ATP2C1: variants seen among roughly 807,000 people sequenced by gnomAD.
ATP2C1 encodes ATPase secretory pathway Ca2+ transporting 1, also known as calcium-transporting ATPase type 2C member 1.
A neutral mutation model predicts 120.5 loss-of-function variants in ATP2C1; 31 were observed. The ratio of observed to expected loss-of-function variants is 0.26; its 90% CI spans 0.19 to 0.35. ATP2C1 has a LOEUF of 0.35. Ranked by LOEUF, ATP2C1 falls within the 10% of genes least tolerant of loss-of-function variation. ATP2C1 has a pLI of 1.00. For synonymous variants in ATP2C1, 351 were observed against 358.7 expected, an observed-to-expected ratio of 0.98 and a Z score of 0.24; for missense variants, 731 against 1,107.5, an observed-to-expected ratio of 0.66 and a Z score of 4.83.
intron 14 of ATP2C1, 71 bp downstream of exon 14, chr3:130,965,116 A>T: frequency 1.9e-6 from 2 of 1,046,682 alleles, no homozygotes; most frequent in South Asian, 1.3e-5. Flanking sequence ...AACATTCCTA[A>T]CAGTTCCAGT....
chr3:130,902,309 T>G (rs1460881372), intron 2 of ATP2C1, among the ~76,000 whole-genome samples: 4 of 79,962 alleles, frequency 5.0e-5, no homozygotes, highest in South Asian at 4.7e-4. Flanking sequence ...TTTTTTTTTT[T>G]TTTTTTTTTT....
chr3:130,996,126 A>G lies in ATP2C1; in HGVS notation c.2126+15A>G. The G allele has an allele frequency of 6.3e-7, 1 of 1,583,822 alleles. No individual in the cohort carries two copies. The highest frequency in any genetic ancestry group is 8.7e-7 in the Non-Finnish European group (1 of 1,152,366). On this transcript the variant is annotated intron_variant, in intron 23 of 27. Coordinates refer to ENST00000510168, the MANE Select transcript of ATP2C1 (RefSeq NM_001378687.1). ...CAGCTGAGCACGTAAGTTTGCAAGA[A>G]ATTTGTCACCATGGGTCTTCTGGAT...
chr3:130,947,233 C>T (rs2060191833), intron 8 of ATP2C1, among the ~76,000 whole-genome samples: 1 of 151,954 alleles, frequency 6.6e-6, no homozygotes, highest in South Asian at 2.1e-4. Context: ...GCCAAAAGCA[C>T]TGGTCCATCC....
chr3:130,972,492 CT>C (rs2061362704), intron 17 of ATP2C1, among the ~76,000 whole-genome samples: 1 of 143,910 alleles, frequency 6.9e-6, no homozygotes, highest in Non-Finnish European at 1.5e-5. Flanking sequence ...TTTTTATATA[CT>C]TTAAGTTTTA....
chr3:130,856,707 G>A (rs1343400763), intron 1 of ATP2C1, among the ~76,000 whole-genome samples: 2 of 152,172 alleles, frequency 1.3e-5, no homozygotes, highest in Non-Finnish European at 2.9e-5. Flanking sequence ...GCTCCCTAAT[G>A]TGGAGGGGTT....
At chr3:130,871,792 C>T (rs1051565019) in intron 1 of ATP2C1, among the ~76,000 whole-genome samples, 3 of 152,020 alleles carry the variant, frequency 2.0e-5, no homozygotes, top group South Asian at 2.1e-4. Context: ...AGGCAGAGGC[C>T]GGCGGATCAG....
chr3:130,969,253 C>T, intron 16 of ATP2C1, 39 bp from the exon 17 acceptor site: 2 of 1,419,134 alleles, frequency 1.4e-6, no homozygotes, highest in African/African-American at 1.4e-5. Flanking sequence ...AAAATAATCA[C>T]ATATAGGTGA....
At chr3:130,973,551 G>A (rs1290005047) in intron 17 of ATP2C1, among the ~76,000 whole-genome samples, 2 of 152,252 alleles carry the variant, frequency 1.3e-5, no homozygotes, top group South Asian at 2.1e-4. Context: ...TGGGCAGGGA[G>A]CATATACGGT....
At chr3:130,975,220 T>C in intron 17 of ATP2C1, 112 bp from the exon 18 acceptor site, 1 of 1,090,532 alleles carries the variant, frequency 9.2e-7, no homozygotes. Context: ...AACCTTAGGC[T>C]TGAGTAACTT....
upstream of ATP2C1, among the ~76,000 whole-genome samples, chr3:130,891,290 A>G (rs1233658407): frequency 1.3e-5 from 2 of 152,210 alleles, no homozygotes; most frequent in Non-Finnish European, 2.9e-5. Context: ...ATATTCTTGT[A>G]CCATCCAGGT....
chr3:130,920,933 A>C (rs1442474880), intron 2 of ATP2C1, among the ~76,000 whole-genome samples: 1 of 152,122 alleles, frequency 6.6e-6, no homozygotes, highest in Non-Finnish European at 1.5e-5. Context: ...TCTATTGTAA[A>C]TGAGATTGTT....
chr3:130,941,853 A>G (rs1309337558), intron 8 of ATP2C1, among the ~76,000 whole-genome samples, 154 bp downstream of exon 8: 1 of 152,154 alleles, frequency 6.6e-6, no homozygotes, highest in Admixed American at 6.5e-5. Flanking sequence ...TTTTTCCTTA[A>G]AATGTATCTG....
intron 23 of ATP2C1, 130 bp from the exon 24 acceptor site, chr3:130,996,550 A>G (rs1287202516): frequency 2.7e-6 from 2 of 736,890 alleles, no homozygotes; most frequent in Non-Finnish European, 2.4e-6. Flanking sequence ...GTGACTGAAG[A>G]ATAGTTTACT....
chr3:131,005,906 T>C (rs2063089510), downstream of ATP2C1, among the ~76,000 whole-genome samples: 2 of 152,156 alleles, frequency 1.3e-5, no homozygotes, highest in African/African-American at 4.8e-5. Context: ...GGTAGCAATT[T>C]TTTTGATACA....
chr3:130,901,411 G>T (rs1257936756), intron 2 of ATP2C1, among the ~76,000 whole-genome samples: 1 of 152,048 alleles, frequency 6.6e-6, no homozygotes, highest in East Asian at 1.9e-4. Flanking sequence ...TCATCTGTTA[G>T]AAGATAAAGG....
At chr3:130,920,708 T>TA (rs2058915772) in intron 2 of ATP2C1, among the ~76,000 whole-genome samples, 1 of 152,194 alleles carries the variant, frequency 6.6e-6, no homozygotes, top group African/African-American at 2.4e-5. Flanking sequence ...TCCATTTCTA[T>TA]AAAAAATACC....
rs1415815359 is a variant in ATP2C1, at chr3:130,964,112, A to T, written c.1024+17A>T. ...AAACTCTGGGTAAGTCTGTGTTAAG[A>T]GCATTCTTATGCAATGATGCGTAAG... is the stretch of plus-strand genomic sequence containing the variant. On this transcript the variant is annotated intron_variant, in intron 13 of 27. Transcript: ENST00000510168. 11 of 1,611,714 alleles carry T rather than the reference A, an allele frequency of 6.8e-6. No individual in the cohort carries two copies. The highest frequency in any genetic ancestry group is 6.7e-5 in the Admixed American group (4 of 59,888).
At chr3:130,885,453 A>T (rs2068942798) in intron 1 of ATP2C1, among the ~76,000 whole-genome samples, 1 of 148,620 alleles carries the variant, frequency 6.7e-6, no homozygotes, top group African/African-American at 2.5e-5. Flanking sequence ...AGTGAAGGTG[A>T]TTTTCTCTGG....
At chr3:130,864,807 A>G (rs1159202893) in intron 1 of ATP2C1, among the ~76,000 whole-genome samples, 2 of 152,244 alleles carry the variant, frequency 1.3e-5, no homozygotes, top group Admixed American at 1.3e-4. Flanking sequence ...AGATTTCAGA[A>G]GATGTATGGA....
Sources: allele counts gnomAD v4.1 joint callset (sites outside exome capture counted in the v4.1 genomes callset), GRCh38; gene constraint gnomAD v4.1.1; transcripts MANE v1.5; gene names NCBI Gene and HGNC (gene_info 2026-07-23, HGNC 2026-07-21).